The following SLIT3 variants were observed in gnomAD, a reference collection of about 807,000 sequenced individuals.
SLIT3 encodes the protein slit guidance ligand 3, also known as slit homolog 3 protein.
Under a neutral mutation model 184.0 loss-of-function variants are expected in SLIT3, and 68 were observed. The observed-to-expected ratio is 0.37, with a 90% CI of 0.30 to 0.45. SLIT3 has a LOEUF of 0.45. Ranked by LOEUF, SLIT3 falls within the 20% of genes least tolerant of loss-of-function variation. The pLI is 1.00. For synonymous variants in SLIT3, 831 were observed against 828.6 expected (o/e 1.00, Z -0.05); for missense variants, 1,707 against 2,026.0 (o/e 0.84, Z 3.02).
chr5:168,672,317 G>C (rs192863450), intron 33 of SLIT3, among the ~76,000 whole-genome samples: 1 of 152,156 alleles, frequency 6.6e-6, no homozygotes, highest in Admixed American at 6.5e-5. Flanking sequence ...TTCTGGGCCC[G>C]TGCTAGTCTC....
intron 29 of SLIT3, among the ~76,000 whole-genome samples, chr5:168,690,630 G>C (rs78630593): frequency 6.6e-6 from 1 of 152,152 alleles, no homozygotes. Context: ...GTCAAATCAG[G>C]GGGGTGGAAG....
chr5:168,668,078 T>G (rs1684931863), intron 35 of SLIT3, among the ~76,000 whole-genome samples: 1 of 151,968 alleles, frequency 6.6e-6, no homozygotes, highest in Non-Finnish European at 1.5e-5. Flanking sequence ...AGGCACGGGG[T>G]GGACTGCCTG....
At chr5:168,851,731 A>T (rs1561968118) in intron 5 of SLIT3, among the ~76,000 whole-genome samples, 1 of 152,208 alleles carries the variant, frequency 6.6e-6, no homozygotes, top group Non-Finnish European at 1.5e-5. Context: ...GAAACAAATC[A>T]ATTCCAGGCC....
intron 4 of SLIT3, among the ~76,000 whole-genome samples, chr5:169,014,331 T>C (rs2113466756): frequency 6.6e-6 from 1 of 152,248 alleles, no homozygotes; most frequent in South Asian, 2.1e-4. Flanking sequence ...TGAACCAAAA[T>C]TGGCCAGGTC....
chr5:168,899,447 G>A (rs1760791844), intron 4 of SLIT3, among the ~76,000 whole-genome samples: 1 of 152,164 alleles, frequency 6.6e-6, no homozygotes, highest in African/African-American at 2.4e-5. Flanking sequence ...CCAGGCGTTT[G>A]AGGTTACAAT....
At chr5:169,046,133 C>T (rs1468779257) in intron 4 of SLIT3, among the ~76,000 whole-genome samples, 1 of 152,074 alleles carries the variant, frequency 6.6e-6, no homozygotes, top group East Asian at 1.9e-4. Context: ...CTTCCCTACC[C>T]CCCAAAAGGT....
At chr5:168,976,417 G>T (rs1754763895) in intron 4 of SLIT3, among the ~76,000 whole-genome samples, 1 of 152,206 alleles carries the variant, frequency 6.6e-6, no homozygotes, top group African/African-American at 2.4e-5. Context: ...CTGCCTAGTT[G>T]TTGCTAGAGA....
chr5:169,233,510 C>G (rs759022573), intron 3 of SLIT3, among the ~76,000 whole-genome samples: 1 of 151,296 alleles, frequency 6.6e-6, no homozygotes, highest in Middle Eastern at 3.2e-3. Context: ...GGGCTTAATA[C>G]TTAGGTGATG....
rs115050156 is a variant in SLIT3, at chr5:169,083,718, G to A, written c.413+109761C>T. Reference sequence around the variant, plus strand: ...CAGGCCTCTGGGCAGCACACAGCACGGCTCACAGCTGTCCACCAAGGAGCT... The same window carrying A: ...CAGGCCTCTGGGCAGCACACAGCACAGCTCACAGCTGTCCACCAAGGAGCT... On this transcript the variant is annotated intron_variant, in intron 4 of 35. Coordinates refer to ENST00000519560, the MANE Select transcript of SLIT3 (RefSeq NM_003062.4). Among the ~76,000 whole-genome samples the A allele has an allele frequency of 4.3e-3, 659 of 152,250 alleles. 4 individuals carry two copies. The highest frequency in any genetic ancestry group is 0.015 in the African/African-American group (614 of 41,542).
intron 14 of SLIT3, 72 bp from the exon 15 acceptor site, chr5:168,762,761 G>A (rs552425666): frequency 2.6e-6 from 4 of 1,517,024 alleles, no homozygotes; most frequent in Admixed American, 3.4e-5. Flanking sequence ...TGGGTAGTGG[G>A]GGTGGGAGAC....
chr5:169,039,063 T>G (rs1757357803), intron 4 of SLIT3, among the ~76,000 whole-genome samples: 1 of 152,118 alleles, frequency 6.6e-6, no homozygotes, highest in Non-Finnish European at 1.5e-5. Context: ...TTTTTTTTGA[T>G]TATACTTTAA....
rs151332804 is a variant in SLIT3 at position 169,268,109 on chromosome 5, C to T, written c.198-16650G>A. ...CTGTGACTTTAAAGGAAATTCTTCC[C>T]CATAAACATGTCCTGCCATGCCCTA... On this transcript the variant is annotated intron_variant, in intron 1 of 35. Coordinates refer to ENST00000519560, the MANE Select transcript of SLIT3 (RefSeq NM_003062.4). Among the ~76,000 whole-genome samples the T allele has an allele frequency of 3.6e-3, 548 of 152,282 alleles. 2 individuals are homozygous for T. Among genetic ancestry groups the T allele is most frequent in the African/African-American group, 0.013 (528 of 41,550 alleles).
At position 168,949,977 on chromosome 5, in the gene SLIT3, T is replaced by A. The variant is rs187919487; in HGVS notation, c.414-66641A>T. On this transcript the variant is annotated intron_variant, in intron 4 of 35. Coordinates refer to ENST00000519560, the MANE Select transcript of SLIT3 (RefSeq NM_003062.4). ...GTTAAAATTACCCTTGAAAGTTCCTTAAACCACTGAAAAAATACAGCATTG... is the reference window on the plus strand; with the variant it reads ...GTTAAAATTACCCTTGAAAGTTCCTAAAACCACTGAAAAAATACAGCATTG... Among the ~76,000 whole-genome samples the A allele has an allele frequency of 1.0e-3, 159 of 152,310 alleles. 1 individual carries two copies. Among genetic ancestry groups the A allele is most frequent in the South Asian group, 1.9e-3 (9 of 4,826 alleles).
intron 4 of SLIT3, among the ~76,000 whole-genome samples, chr5:169,183,214 TAAC>T (rs1763226497): frequency 1.3e-5 from 2 of 152,230 alleles, no homozygotes; most frequent in African/African-American, 2.4e-5. Context: ...GCAGGAATGT[TAAC>T]AACAGGGAAT....
chr5:168,706,298 T>TA (rs1762370615), intron 26 of SLIT3, among the ~76,000 whole-genome samples: 1 of 152,248 alleles, frequency 6.6e-6, no homozygotes, highest in Admixed American at 6.5e-5. Context: ...AGACAGGTCC[T>TA]AGTTTGCAGC....
chr5:169,297,964 T>C (rs1443752447), intron 1 of SLIT3, among the ~76,000 whole-genome samples: 3 of 152,244 alleles, frequency 2.0e-5, no homozygotes, highest in African/African-American at 7.2e-5. Context: ...AAGAAATCCT[T>C]GGCAGAGAGT....
chr5:168,955,452 C>A lies in SLIT3; in HGVS notation c.414-72116G>T, dbSNP rs1237117263. Among the ~76,000 whole-genome samples the A allele has an allele frequency of 2.0e-5, 3 of 152,170 alleles. No individual in the cohort carries two copies. The East Asian group carries it at 5.8e-4, about 29-fold the overall frequency. On this transcript the variant is annotated intron_variant, in intron 4 of 35. Transcript: ENST00000519560. ...CTGCTTCTCCTCTTTTCCTCACCAC[C>A]AACAGGCTCAGCCTGTTCACTCGTT... is the stretch of plus-strand genomic sequence containing the variant.
intron 4 of SLIT3, among the ~76,000 whole-genome samples, chr5:169,008,388 C>G (rs76761911): frequency 6.6e-6 from 1 of 152,290 alleles, no homozygotes; most frequent in Non-Finnish European, 1.5e-5. Context: ...ACGGGCCTGA[C>G]TTCCCTAGCC....
At chr5:169,148,486 C>T (rs144073810) in intron 4 of SLIT3, among the ~76,000 whole-genome samples, 25 of 152,310 alleles carry the variant, frequency 1.6e-4, no homozygotes, top group African/African-American at 5.8e-4. Context: ...GTGCTGCTAG[C>T]AGAGGTGTTT....
Sources: allele counts gnomAD v4.1 joint callset (sites outside exome capture counted in the v4.1 genomes callset), GRCh38; gene constraint gnomAD v4.1.1; transcripts MANE v1.5; gene names NCBI Gene and HGNC (gene_info 2026-07-23, HGNC 2026-07-21).